TXNL1: variants seen among roughly 807,000 people sequenced by gnomAD.
The protein encoded by TXNL1 is thioredoxin like 1.
In TXNL1, 14 loss-of-function variants were observed where a neutral mutation model predicts 35.5. That is an observed-to-expected ratio of 0.39 (90% confidence interval 0.26 to 0.62). TXNL1 has a LOEUF of 0.62. Ranked by LOEUF, TXNL1 falls within the 20% of genes least tolerant of loss-of-function variation. TXNL1 has a pLI of 0.47. For synonymous variants in TXNL1, 110 were observed against 115.5 expected (o/e 0.95, Z 0.31); for missense variants, 263 against 349.7 (o/e 0.75, Z 1.98).
In TXNL1 at chr18:56,602,098, C is replaced by T. The variant is rs2023817052; in HGVS notation, c.*929G>A. On this transcript the variant is annotated 3_prime_UTR_variant, in exon 8 of 8. Transcript: ENST00000217515. ...CAATCTCAGCTCACTGCAACCTCTG[C>T]CTCCCGGGTTCAGCCGATTCTTCTG... 1 of 152,186 alleles carries T rather than the reference C, an allele frequency of 6.6e-6. No individual in the cohort carries two copies. Among genetic ancestry groups the T allele is most frequent in the Non-Finnish European group, 1.5e-5 (1 of 68,064 alleles). The allele number at this position is 152,186 out of a possible 1,614,324, so 9.4% of individuals were successfully genotyped here. A position where few individuals can be genotyped will look rare whatever the true frequency, so the allele number is the denominator to read the frequency against.
chr18:56,632,580 A>C (rs2144336121), intron 1 of TXNL1, among the ~76,000 whole-genome samples: 1 of 152,330 alleles, frequency 6.6e-6, no homozygotes, highest in East Asian at 1.9e-4. Flanking sequence ...TTTCATTGTT[A>C]TTTCCAAATC....
intron 7 of TXNL1, chr18:56,608,677 T>G (rs1193980330): frequency 6.6e-6 from 1 of 152,222 alleles, no homozygotes; most frequent in Non-Finnish European, 1.5e-5. Flanking sequence ...CTATATGATG[T>G]GTGACAGGAA....
chr18:56,617,897 A>C (rs2024116183), intron 4 of TXNL1, 107 bp downstream of exon 4: 3 of 1,361,720 alleles, frequency 2.2e-6, no homozygotes, highest in Non-Finnish European at 3.0e-6. Context: ...GAAAGGAAGA[A>C]GTGATCATCT....
Position 56,618,760 on chromosome 18 carries a change from T to TA in TXNL1, c.370-635dup, listed in dbSNP as rs533898217. Among the ~76,000 whole-genome samples, 621 of 150,662 alleles carry TA rather than the reference T, an allele frequency of 4.1e-3. 2 individuals are homozygous for TA. Among genetic ancestry groups the TA allele is most frequent in the Admixed American group, 9.9e-3 (150 of 15,078 alleles). Reference sequence around the variant, plus strand: ...TATGAATTTCTAAGCAATAAGAACTTAAAAAAAAACATTCTCAATATCATT... The same window carrying TA: ...TATGAATTTCTAAGCAATAAGAACTTAAAAAAAAAACATTCTCAATATCATT... On this transcript the variant is annotated intron_variant, in intron 3 of 7. Transcript: ENST00000217515.
chr18:56,606,392 A>C (rs1472381698), intron 7 of TXNL1, among the ~76,000 whole-genome samples: 1 of 152,130 alleles, frequency 6.6e-6, no homozygotes, highest in Non-Finnish European at 1.5e-5. Context: ...AAAAGAAAAA[A>C]ATTTCAATTC....
chr18:56,608,310 T>C (rs2023935832), intron 7 of TXNL1: 1 of 152,116 alleles, frequency 6.6e-6, no homozygotes, highest in Non-Finnish European at 1.5e-5. Context: ...TTGTACAATA[T>C]AAAAACAATG....
chr18:56,602,676 T>G lies in TXNL1; in HGVS notation c.*351A>C, dbSNP rs2023826473. On this transcript the variant is annotated 3_prime_UTR_variant, in exon 8 of 8. Coordinates refer to ENST00000217515, the MANE Select transcript of TXNL1 (RefSeq NM_004786.3). ...CCATGAATGTGTACACATGTACTTCTTAATTCCCTAGAACAGTTTCTCCTT... is the reference window on the plus strand; with the variant it reads ...CCATGAATGTGTACACATGTACTTCGTAATTCCCTAGAACAGTTTCTCCTT... 1 of 313,934 alleles carries G rather than the reference T, an allele frequency of 3.2e-6. No individual in the cohort carries two copies. 19.4% of individuals were successfully genotyped at this position (313,934 alleles called of 1,614,324 possible).
chr18:56,636,703 A>C (rs1288273337), intron 1 of TXNL1, among the ~76,000 whole-genome samples: 5 of 152,158 alleles, frequency 3.3e-5, no homozygotes, highest in Non-Finnish European at 5.9e-5. Flanking sequence ...ATGTTTCCCC[A>C]GTTTTCTCAC....
intron 6 of TXNL1, 147 bp downstream of exon 6, chr18:56,614,277 G>C: frequency 1.5e-6 from 1 of 651,834 alleles, no homozygotes; most frequent in Non-Finnish European, 2.4e-6. Flanking sequence ...TTAAAAAGAA[G>C]AAAATTTATC....
At chr18:56,608,273 T>C (rs2023934745) in intron 7 of TXNL1, 1 of 152,232 alleles carries the variant, frequency 6.6e-6, no homozygotes, top group Non-Finnish European at 1.5e-5. Flanking sequence ...CTCTTTTTCT[T>C]TTTTTAACTA....
intron 1 of TXNL1, 144 bp downstream of exon 1, chr18:56,638,196 CGAG>C (rs2024487642): frequency 1.3e-6 from 1 of 784,822 alleles, no homozygotes; most frequent in Non-Finnish European, 2.0e-6. Flanking sequence ...ACCCGAGAAA[CGAG>C]GCCTAATTCC....
At chr18:56,627,395 T>C (rs2024302989) in intron 1 of TXNL1, among the ~76,000 whole-genome samples, 1 of 152,186 alleles carries the variant, frequency 6.6e-6, no homozygotes, top group Non-Finnish European at 1.5e-5. Flanking sequence ...TTAACAAATT[T>C]CCATTCTAAA....
chr18:56,605,841 T>C (rs1307554618), intron 7 of TXNL1, among the ~76,000 whole-genome samples: 1 of 152,192 alleles, frequency 6.6e-6, no homozygotes, highest in Non-Finnish European at 1.5e-5. Flanking sequence ...ACATTGGAGA[T>C]TCAACAGCAT....
chr18:56,625,890 G>A (rs972603291), intron 2 of TXNL1, among the ~76,000 whole-genome samples: 3 of 151,984 alleles, frequency 2.0e-5, no homozygotes, highest in Non-Finnish European at 4.4e-5. Context: ...TAAATAATCA[G>A]GGCAATTCAC....
At chr18:56,605,614 T>C (rs1209071677) in intron 7 of TXNL1, among the ~76,000 whole-genome samples, 4 of 152,150 alleles carry the variant, frequency 2.6e-5, no homozygotes, top group Non-Finnish European at 5.9e-5. Flanking sequence ...AGCAAAAACA[T>C]CTACTTCCAA....
intron 5 of TXNL1, among the ~76,000 whole-genome samples, chr18:56,615,014 T>C (rs1276827980): frequency 1.3e-5 from 2 of 152,210 alleles, no homozygotes; most frequent in Non-Finnish European, 2.9e-5. Flanking sequence ...AGCTAGATCT[T>C]ATAGTTGCCA....
intron 3 of TXNL1, among the ~76,000 whole-genome samples, chr18:56,623,680 C>T (rs1855650825): frequency 1.3e-5 from 2 of 152,136 alleles, no homozygotes; most frequent in African/African-American, 4.8e-5. Context: ...GCAGTTTCCA[C>T]ACACTATCCT....
chr18:56,628,802 G>C (rs909239686), intron 1 of TXNL1, among the ~76,000 whole-genome samples: 1 of 152,092 alleles, frequency 6.6e-6, no homozygotes, highest in African/African-American at 2.4e-5. Context: ...ATAAAAGTTT[G>C]CAGAAATAAG....
At chr18:56,637,453 G>A (rs1431060963) in intron 1 of TXNL1, among the ~76,000 whole-genome samples, 1 of 152,204 alleles carries the variant, frequency 6.6e-6, no homozygotes, top group African/African-American at 2.4e-5. Flanking sequence ...GGAGAGATCT[G>A]TGAAACACAC....
Sources: allele counts gnomAD v4.1 joint callset (sites outside exome capture counted in the v4.1 genomes callset), GRCh38; gene constraint gnomAD v4.1.1; transcripts MANE v1.5; gene names NCBI Gene and HGNC (gene_info 2026-07-23, HGNC 2026-07-21).